Variants in AKR1E2 observed in about 807,000 individuals in gnomAD.
The protein encoded by AKR1E2 is 1,5-anhydro-D-fructose reductase.
AKR1E2 carries 43 observed loss-of-function variants against 41.9 expected under a neutral mutation model. The observed-to-expected ratio is 1.03, with a 90% CI of 0.80 to 1.32. AKR1E2 has a LOEUF of 1.32. Ranked by LOEUF, AKR1E2 falls within the 40% of genes most tolerant of loss-of-function variation. The pLI, the probability that AKR1E2 is intolerant of heterozygous loss-of-function variation, is 0.00. For synonymous variants in AKR1E2, 121 were observed against 138.9 expected, an observed-to-expected ratio of 0.87 and a Z score of 0.91; for missense variants, 423 against 396.5, an observed-to-expected ratio of 1.07 and a Z score of -0.57.
the AKR1E2 span, among the ~76,000 whole-genome samples, chr10:4,866,380 C>T: frequency 3.0e-4 from 45 of 152,186 alleles, no homozygotes; most frequent in African/African-American, 1.1e-3. Context: ...CAGGAAGTTG[C>T]AAAAAATAAT....
At chr10:4,850,223 C>T (rs1191625949), downstream of AKR1E2, among the ~76,000 whole-genome samples, 1 of 152,172 alleles carries the variant, frequency 6.6e-6, no homozygotes, top group South Asian at 2.1e-4. Context: ...GAGGTGTAAA[C>T]GTGTGCCCTT....
At chr10:4,841,747 G>C in intron 6 of AKR1E2, 38 bp from the exon 7 acceptor site, 1 of 1,438,168 alleles carries the variant, frequency 7.0e-7, no homozygotes, top group Non-Finnish European at 9.3e-7. Flanking sequence ...ATCCATGTTG[G>C]ATCTCCTGGC....
chr10:4,872,239 G>C, the AKR1E2 span, among the ~76,000 whole-genome samples: 1 of 152,116 alleles, frequency 6.6e-6, no homozygotes, highest in Non-Finnish European at 1.5e-5. Flanking sequence ...ACCTCCAGGA[G>C]GGCAGAAACA....
chr10:4,844,221 G>A (rs1834116581), intron 8 of AKR1E2, among the ~76,000 whole-genome samples: 1 of 152,192 alleles, frequency 6.6e-6, no homozygotes, highest in Non-Finnish European at 1.5e-5. Flanking sequence ...TAGGAGTGAA[G>A]GTGAGGACCT....
chr10:4,853,827 C>T, the AKR1E2 span, among the ~76,000 whole-genome samples: 1 of 152,140 alleles, frequency 6.6e-6, no homozygotes, highest in Non-Finnish European at 1.5e-5. Flanking sequence ...GTCATAAAGA[C>T]CTTGCTGATA....
chr10:4,855,834 G>A, the AKR1E2 span, among the ~76,000 whole-genome samples: 11 of 152,294 alleles, frequency 7.2e-5, no homozygotes, highest in East Asian at 2.1e-3. Flanking sequence ...TATTAGGTTT[G>A]CTAAATGCTT....
At chr10:4,844,901 G>A (rs1020112767) in intron 8 of AKR1E2, among the ~76,000 whole-genome samples, 5 of 152,224 alleles carry the variant, frequency 3.3e-5, no homozygotes, top group Admixed American at 2.6e-4. Flanking sequence ...TGCCAGTCCC[G>A]GGCGGTGTGC....
intron 3 of AKR1E2, 44 bp from the exon 4 acceptor site, chr10:4,835,631 T>TGTTTC (rs777756357): frequency 6.3e-7 from 1 of 1,598,974 alleles, no homozygotes; most frequent in Non-Finnish European, 8.5e-7. Context: ...TTTTTTGTTT[T>TGTTTC]GTTTTGTTTT....
At chr10:4,852,059 G>C (rs1834534880), downstream of AKR1E2, among the ~76,000 whole-genome samples, 1 of 152,120 alleles carries the variant, frequency 6.6e-6, no homozygotes, top group African/African-American at 2.4e-5. Context: ...ACGAGTATTT[G>C]GATGAAAGAA....
chr10:4,872,010 G>A, the AKR1E2 span: 1 of 152,298 alleles, frequency 6.6e-6, no homozygotes, highest in Admixed American at 6.5e-5. Flanking sequence ...AAACTGGTGT[G>A]AGCCTACAAT....
chr10:4,842,854 G>A (rs80210984), intron 8 of AKR1E2, among the ~76,000 whole-genome samples: 6,198 of 152,230 alleles, frequency 0.041, 130 homozygotes, highest in East Asian at 0.074. Context: ...TCTCCTAAGC[G>A]TGCACTCAGG....
chr10:4,828,638 AG>A (rs902101905), intron 1 of AKR1E2, among the ~76,000 whole-genome samples: 2 of 152,222 alleles, frequency 1.3e-5, no homozygotes, highest in African/African-American at 4.8e-5. Context: ...TTAAATCTGT[AG>A]ACCAGCTTGG....
the AKR1E2 span, among the ~76,000 whole-genome samples, chr10:4,868,319 A>G: frequency 6.6e-6 from 1 of 152,166 alleles, no homozygotes; most frequent in African/African-American, 2.4e-5. Context: ...TCTTTGCTCC[A>G]CAGAGTTTCT....
At chr10:4,843,160 T>A (rs1224468266) in intron 8 of AKR1E2, among the ~76,000 whole-genome samples, 1 of 152,228 alleles carries the variant, frequency 6.6e-6, no homozygotes, top group East Asian at 1.9e-4. Flanking sequence ...GCTTCAACCC[T>A]GACGACATAG....
intron 8 of AKR1E2, among the ~76,000 whole-genome samples, chr10:4,843,427 T>G (rs1834042262): frequency 6.6e-6 from 1 of 152,162 alleles, no homozygotes; most frequent in South Asian, 2.1e-4. Context: ...CAGGCATTGG[T>G]GGCAGCCCAC....
chr10:4,861,367 T>G, the AKR1E2 span, among the ~76,000 whole-genome samples: 1 of 152,010 alleles, frequency 6.6e-6, no homozygotes, highest in Admixed American at 6.5e-5. Flanking sequence ...GCAATATGTC[T>G]TCTTCTTCTT....
At chr10:4,845,710 G>A in intron 8 of AKR1E2, 1 of 470,940 alleles carries the variant, frequency 2.1e-6, no homozygotes, top group Non-Finnish European at 4.4e-6. Context: ...GGATCCCCAT[G>A]GCCTAGCAAA....
the AKR1E2 span, among the ~76,000 whole-genome samples, chr10:4,859,172 C>G: frequency 6.6e-6 from 1 of 152,100 alleles, no homozygotes; most frequent in African/African-American, 2.4e-5. Flanking sequence ...GAAGTTTTGT[C>G]ACAATTTATT....
chr10:4,844,165 G>A (rs553698456), intron 8 of AKR1E2, among the ~76,000 whole-genome samples: 1 of 152,308 alleles, frequency 6.6e-6, no homozygotes, highest in East Asian at 1.9e-4. Flanking sequence ...ATGTTCGGAT[G>A]TGTTCGGAGT....
Sources: allele counts gnomAD v4.1 joint callset (sites outside exome capture counted in the v4.1 genomes callset), GRCh38; gene constraint gnomAD v4.1.1; transcripts MANE v1.5; gene names NCBI Gene and HGNC (gene_info 2026-07-23, HGNC 2026-07-21).